OTOGL: variants seen among roughly 807,000 people sequenced by gnomAD.
OTOGL encodes the protein otogelin-like protein.
OTOGL carries 285 observed loss-of-function variants against 318.5 expected under a neutral mutation model. The observed-to-expected ratio is 0.89, with a 90% CI of 0.81 to 0.99. The LOEUF is 0.99. Ranked by LOEUF, OTOGL falls within the 50% of genes least tolerant of loss-of-function variation. OTOGL has a pLI of 0.00. For missense variants in OTOGL, 2,899 were observed against 2,845.6 expected (o/e 1.02, Z -0.43); for synonymous variants, 987 against 936.5 (o/e 1.05, Z -0.99).
chr12:80,235,388 A>G (rs1879746170), intron 9 of OTOGL, among the ~76,000 whole-genome samples: 1 of 150,572 alleles, frequency 6.6e-6, no homozygotes, highest in African/African-American at 2.5e-5. Context: ...TTGCTTGAAC[A>G]TGGGAGGTGG....
At chr12:80,204,421 A>G (rs1876672382) in intron 1 of OTOGL, among the ~76,000 whole-genome samples, 1 of 152,152 alleles carries the variant, frequency 6.6e-6, no homozygotes, top group African/African-American at 2.4e-5. Flanking sequence ...TTGGGATTTG[A>G]CAGGTTTTGT....
intron 19 of OTOGL, among the ~76,000 whole-genome samples, chr12:80,263,826 T>G (rs1268679742): frequency 6.6e-6 from 1 of 152,104 alleles, no homozygotes; most frequent in Non-Finnish European, 1.5e-5. Flanking sequence ...TATCCTTAAC[T>G]TAATGTCAGT....
chr12:80,292,914 T>A (rs986995342), intron 26 of OTOGL, among the ~76,000 whole-genome samples: 9 of 152,228 alleles, frequency 5.9e-5, no homozygotes, highest in Admixed American at 2.6e-4. Flanking sequence ...TATGTCTGTC[T>A]CGGACTTCAG....
intron 1 of OTOGL, among the ~76,000 whole-genome samples, chr12:80,172,848 C>T (rs1325104311): frequency 2.0e-5 from 3 of 152,096 alleles, no homozygotes; most frequent in Non-Finnish European, 4.4e-5. Context: ...AAAAACCAAA[C>T]ACTGCATGTT....
At chr12:80,363,077 A>G (rs1194164924) in intron 52 of OTOGL, among the ~76,000 whole-genome samples, 4 of 152,178 alleles carry the variant, frequency 2.6e-5, no homozygotes, top group Admixed American at 2.6e-4. Context: ...TTGGCCTCCC[A>G]AAGTGCTAGC....
At chr12:80,269,645 C>T (rs1883254726) in intron 22 of OTOGL, among the ~76,000 whole-genome samples, 1 of 152,154 alleles carries the variant, frequency 6.6e-6, no homozygotes, top group Non-Finnish European at 1.5e-5. Flanking sequence ...TTAGGTGTGC[C>T]ATAACCTCCA....
At chr12:80,244,592 C>T (rs990569829) in intron 11 of OTOGL, among the ~76,000 whole-genome samples, 2 of 149,382 alleles carry the variant, frequency 1.3e-5, no homozygotes, top group Non-Finnish European at 2.9e-5. Flanking sequence ...TGGGTTGGTT[C>T]CAAGTCTTTG....
Position 80,210,889 on chromosome 12 carries a change from G to A in OTOGL, c.119+3G>A. The A allele has an allele frequency of 6.8e-7, 1 of 1,477,842 alleles. No homozygotes were observed. The highest frequency in any genetic ancestry group is 9.0e-7 in the Non-Finnish European group (1 of 1,109,644). 91.5% of individuals were successfully genotyped at this position (1,477,842 alleles called of 1,614,324 possible). A position where few individuals can be genotyped will look rare whatever the true frequency, so the allele number is the denominator to read the frequency against. On this transcript the variant is annotated splice_donor_region_variant and intron_variant, in intron 3 of 58. Transcript: ENST00000547103. ...TCTATATTGATGGGAACATCAAAGT[G>A]AGTATTTCTTGTTCTTCGTGTCCTC... is the stretch of plus-strand genomic sequence containing the variant.
intron 1 of OTOGL, among the ~76,000 whole-genome samples, chr12:80,178,061 C>CTTTTT (rs71094968): frequency 1.3e-3 from 95 of 74,938 alleles, no homozygotes; most frequent in African/African-American, 1.7e-3. Flanking sequence ...TTCTTTCTTT[C>CTTTTT]TTTTTTTTTT....
At chr12:80,258,068 A>G in intron 18 of OTOGL, 66 bp downstream of exon 18, 1 of 1,338,290 alleles carries the variant, frequency 7.5e-7, no homozygotes, top group Non-Finnish European at 9.8e-7. Context: ...TAAATTCATT[A>G]AAAATGTTTA....
chr12:80,244,302 C>A (rs1393675146), intron 11 of OTOGL, among the ~76,000 whole-genome samples: 4 of 143,368 alleles, frequency 2.8e-5, no homozygotes, highest in Non-Finnish European at 3.1e-5. Flanking sequence ...GTATATCTCC[C>A]AATGCTATCC....
chr12:80,210,768 T>A (rs1196610156), intron 2 of OTOGL, 79 bp from the exon 3 acceptor site: 1 of 1,045,202 alleles, frequency 9.6e-7, no homozygotes, highest in Non-Finnish European at 1.3e-6. Flanking sequence ...TAGGTTAAAA[T>A]GTTCTTTTAA....
chr12:80,108,410 G>A (rs915076305), intron 1 of OTOGL, among the ~76,000 whole-genome samples: 2 of 151,846 alleles, frequency 1.3e-5, no homozygotes, highest in Non-Finnish European at 2.9e-5. Context: ...AAACACAAAC[G>A]ATGCTAAGCA....
intron 1 of OTOGL, among the ~76,000 whole-genome samples, chr12:80,188,516 C>T (rs373778600): frequency 1.3e-4 from 20 of 148,166 alleles, no homozygotes; most frequent in Middle Eastern, 3.5e-3. Flanking sequence ...CCAGCCTGGG[C>T]GACAGAGTGA....
intron 1 of OTOGL, among the ~76,000 whole-genome samples, chr12:80,170,206 T>G (rs1486942371): frequency 3.5e-5 from 4 of 115,280 alleles, no homozygotes; most frequent in African/African-American, 2.1e-4. Context: ...TGTGTGTGTG[T>G]GTGTGTGTAT....
Position 80,356,869 on chromosome 12 carries a change from A to G in OTOGL, c.5974A>G (p.Ile1992Val). 6.2e-7 allele frequency: 1 copy of G among 1,600,962 alleles called. No homozygotes were observed. Among genetic ancestry groups the G allele is most frequent in the Non-Finnish European group, 8.5e-7 (1 of 1,173,410 alleles). The change falls in exon 49 of 59, where the codon ATT becomes GTT. Residue 1992 changes from isoleucine (I) to valine (V), a missense_variant. Around this residue, in one of 3 missense-constraint regions of OTOGL, gnomAD observed 2,607 missense variants for 2,524.9 expected, o/e 1.03. Transcript: ENST00000547103. ...AGAATGCAGAGAAGATCAATTCATG[A>G]TTCAAGTTCGACAGGAAGAACCTTG... ...TPECREDQFMIQVRQEEPCCF... is the reference protein window; with the variant it reads ...TPECREDQFMVQVRQEEPCCF...
chr12:80,163,520 T>C (rs1239858462), intron 1 of OTOGL, among the ~76,000 whole-genome samples: 1 of 151,994 alleles, frequency 6.6e-6, no homozygotes. Flanking sequence ...TATGGCATAG[T>C]GGAGGCACTT....
Position 80,124,597 on chromosome 12 carries a change from G to A in OTOGL, c.-20+24992G>A, listed in dbSNP as rs573897398. ...AAGAAAGGCATTGGTAGCTTGATGG[G>A]GATGGCATTGAATCTATAAATTACC... On this transcript the variant is annotated intron_variant, in intron 1 of 58. Transcript: ENST00000547103. Among the ~76,000 whole-genome samples the A allele has an allele frequency of 1.2e-4, 18 of 152,190 alleles. No homozygotes were observed. In the South Asian group the frequency reaches 3.5e-3, roughly 30 times the overall value.
At position 80,353,398 on chromosome 12, in the gene OTOGL, A is replaced by G. The variant is rs766226603; in HGVS notation, c.5481A>G (p.Gln1827=). The change falls in exon 46 of 59, where the codon CAA becomes CAG. Residue 1827 remains glutamine, a synonymous_variant. Transcript: ENST00000547103. ...GTGAAGCAAGAACATGCCTGAACCAATGGTTCTATGGACACACTTCCTGTT... is the reference window on the plus strand; with the variant it reads ...GTGAAGCAAGAACATGCCTGAACCAGTGGTTCTATGGACACACTTCCTGTT... ...RPCEARTCLN[Q]WFYGHTSCLN... is the part of the protein sequence containing the mutation. The G allele has an allele frequency of 6.2e-6, 10 of 1,603,048 alleles. No individual in the cohort carries two copies. Among genetic ancestry groups the G allele is most frequent in the African/African-American group, 1.3e-5 (1 of 74,906 alleles).
Sources: allele counts gnomAD v4.1 joint callset (sites outside exome capture counted in the v4.1 genomes callset), GRCh38; gene constraint gnomAD v4.1.1; regional missense constraint gnomAD v4.1.1; transcripts MANE v1.5; gene names NCBI Gene and HGNC (gene_info 2026-07-23, HGNC 2026-07-21).